DCC: variants seen among roughly 807,000 people sequenced by gnomAD.
The protein encoded by DCC is netrin receptor DCC.
In DCC, 58 loss-of-function variants were observed where a neutral mutation model predicts 172.5. The observed-to-expected ratio is 0.34, with a 90% CI of 0.27 to 0.42. DCC has a LOEUF of 0.42. Ranked by LOEUF, DCC falls within the 10% of genes least tolerant of loss-of-function variation. The pLI is 1.00. For synonymous variants in DCC, 709 were observed against 644.5 expected, an observed-to-expected ratio of 1.10 and a Z score of -1.52; for missense variants, 1,740 against 1,791.0, an observed-to-expected ratio of 0.97 and a Z score of 0.51.
intron 5 of DCC, among the ~76,000 whole-genome samples, chr18:53,052,849 A>G (rs574091123): frequency 3.9e-5 from 6 of 152,140 alleles, no homozygotes; most frequent in African/African-American, 1.4e-4. Context: ...CTTCTTCTCA[A>G]TCAGAAAAGG....
Position 53,016,418 on chromosome 18 carries a change from GCATTTGCAA to G in DCC, c.986-46886_986-46878del, listed in dbSNP as rs1210711045. Among the ~76,000 whole-genome samples the G allele has an allele frequency of 1.2e-4, 19 of 152,104 alleles. No homozygotes were observed. The East Asian group carries it at 3.7e-3, about 29-fold the overall frequency. On this transcript the variant is annotated intron_variant, in intron 5 of 28. Transcript: ENST00000442544. The stretch of plus-strand genomic sequence containing the variant: ...CATGCATTTAGCTGAAATAAACAAT[GCATTTGCAA>G]ATTTTTGCCTTAGCTTTTGCTATAA...
intron 1 of DCC, among the ~76,000 whole-genome samples, chr18:52,562,470 A>G (rs2033061418): frequency 1.3e-5 from 2 of 152,186 alleles, no homozygotes; most frequent in Admixed American, 1.3e-4. Context: ...TTATTTAGCC[A>G]CATAGAGTTT....
At chr18:53,147,017 G>A (rs1442114707) in intron 7 of DCC, among the ~76,000 whole-genome samples, 1 of 152,064 alleles carries the variant, frequency 6.6e-6, no homozygotes, top group Non-Finnish European at 1.5e-5. Flanking sequence ...TGACCAGGGG[G>A]AATACTGACT....
At chr18:52,983,269 T>G (rs1051551493) in intron 5 of DCC, among the ~76,000 whole-genome samples, 1 of 152,114 alleles carries the variant, frequency 6.6e-6, no homozygotes, top group African/African-American at 2.4e-5. Context: ...GGCAAAGACA[T>G]TTACAAGACA....
intron 12 of DCC, among the ~76,000 whole-genome samples, chr18:53,271,346 T>A (rs145820498): frequency 3.9e-5 from 6 of 152,296 alleles, no homozygotes; most frequent in African/African-American, 1.4e-4. Flanking sequence ...CCCCAAAACT[T>A]ACTGGCTTAA....
intron 1 of DCC, among the ~76,000 whole-genome samples, chr18:52,699,122 C>T (rs971945028): frequency 1.3e-5 from 2 of 152,116 alleles, no homozygotes; most frequent in Non-Finnish European, 2.9e-5. Flanking sequence ...CACAGAATTA[C>T]AACAAGGTAT....
intron 5 of DCC, among the ~76,000 whole-genome samples, chr18:52,942,413 T>A (rs1343835107): frequency 6.6e-6 from 1 of 152,172 alleles, no homozygotes; most frequent in Non-Finnish European, 1.5e-5. Context: ...GAAAGACTGT[T>A]TTAGGTGTGT....
At chr18:52,592,321 T>C (rs1223010078) in intron 1 of DCC, among the ~76,000 whole-genome samples, 1 of 152,208 alleles carries the variant, frequency 6.6e-6, no homozygotes, top group South Asian at 2.1e-4. Context: ...TCTCAGAATT[T>C]GATTAATATA....
At chr18:52,739,081 G>A (rs147832311) in intron 1 of DCC, among the ~76,000 whole-genome samples, 274 of 152,038 alleles carry the variant, frequency 1.8e-3, no homozygotes, top group African/African-American at 6.2e-3. Flanking sequence ...CCACAGACAC[G>A]TGAGTAATAT....
intron 12 of DCC, among the ~76,000 whole-genome samples, chr18:53,267,167 C>T (rs1598965458): frequency 6.7e-6 from 1 of 148,752 alleles, no homozygotes; most frequent in Admixed American, 6.8e-5. Context: ...GAGAGAGAGA[C>T]AGAGACAGAG....
intron 2 of DCC, among the ~76,000 whole-genome samples, chr18:52,821,160 G>A (rs2038399196): frequency 6.6e-6 from 1 of 152,034 alleles, no homozygotes; most frequent in South Asian, 2.1e-4. Context: ...TCAGAAAAAA[G>A]AATGCTGTCA....
chr18:52,639,733 T>A (rs1170067610), intron 1 of DCC, among the ~76,000 whole-genome samples: 2 of 151,678 alleles, frequency 1.3e-5, no homozygotes, highest in African/African-American at 4.8e-5. Context: ...AAAATTACCA[T>A]GAAAAAAAAG....
chr18:52,848,856 T>G (rs1260647353), intron 2 of DCC, among the ~76,000 whole-genome samples: 5 of 152,214 alleles, frequency 3.3e-5, no homozygotes, highest in African/African-American at 1.2e-4. Context: ...AATACCTTGT[T>G]TGGCAACTTA....
intron 11 of DCC, among the ~76,000 whole-genome samples, chr18:53,212,373 G>A (rs1013958583): frequency 7.2e-5 from 11 of 152,088 alleles, no homozygotes; most frequent in Admixed American, 2.6e-4. Context: ...ATATAGAAAA[G>A]AACAATCGAT....
At chr18:53,463,521 C>T (rs2045584131) in intron 24 of DCC, among the ~76,000 whole-genome samples, 1 of 152,090 alleles carries the variant, frequency 6.6e-6, no homozygotes, top group South Asian at 2.1e-4. Context: ...CAATGGGGTT[C>T]CTGAGTAGGC....
chr18:52,768,302 G>A (rs1459450490), intron 2 of DCC, among the ~76,000 whole-genome samples: 1 of 152,150 alleles, frequency 6.6e-6, no homozygotes, highest in Admixed American at 6.5e-5. Flanking sequence ...AGTTTATAAT[G>A]AGTAACCTTT....
At chr18:52,649,736 T>C (rs780523055) in intron 1 of DCC, among the ~76,000 whole-genome samples, 12 of 152,180 alleles carry the variant, frequency 7.9e-5, no homozygotes, top group African/African-American at 1.2e-4. Context: ...AAAGACATGA[T>C]TTCATTTTTT....
At chr18:52,647,536 C>T (rs2035041901) in intron 1 of DCC, among the ~76,000 whole-genome samples, 1 of 152,180 alleles carries the variant, frequency 6.6e-6, no homozygotes. Flanking sequence ...AGTCTGGAAT[C>T]CCATGCTAGG....
intron 14 of DCC, 114 bp from the exon 15 acceptor site, chr18:53,339,599 G>T: frequency 1.2e-6 from 1 of 824,358 alleles, no homozygotes; most frequent in Non-Finnish European, 2.1e-6. Flanking sequence ...TGGGCAATAG[G>T]TGATGCATTA....
Sources: gnomAD v4.1 joint callset for allele counts (sites outside exome capture counted in the v4.1 genomes callset) on GRCh38, gnomAD v4.1.1 for gene constraint, MANE v1.5 for transcripts, NCBI Gene and HGNC (gene_info 2026-07-23, HGNC 2026-07-21) for gene names.